ANTXR1: variants seen among roughly 807,000 people sequenced by gnomAD.
ANTXR1 encodes ANTXR cell adhesion molecule 1.
Under a neutral mutation model 78.1 loss-of-function variants are expected in ANTXR1, and 19 were observed. The observed-to-expected ratio is 0.24, with a 90% CI of 0.17 to 0.36. The LOEUF (loss-of-function observed/expected upper bound fraction) is 0.36, where lower values mean the gene tolerates loss of function less well. ANTXR1 is among the 10% of genes least tolerant of loss of function. ANTXR1 has a pLI of 1.00. For missense variants in ANTXR1, 518 were observed against 718.6 expected (o/e 0.72, Z 3.19); for synonymous variants, 273 against 260.5 (o/e 1.05, Z -0.46).
chr2:69,077,111 A>T, intron 7 of ANTXR1: 1 of 456,664 alleles, frequency 2.2e-6, no homozygotes, highest in South Asian at 2.5e-5. Context: ...ATTTATAAAC[A>T]TATCAACCCA....
chr2:69,126,162 A>C (rs1421283928), intron 12 of ANTXR1, among the ~76,000 whole-genome samples: 1 of 152,218 alleles, frequency 6.6e-6, no homozygotes, highest in East Asian at 1.9e-4. Flanking sequence ...GCCAGTCCTC[A>C]TGATGGACAA....
At chr2:69,221,845 G>A (rs1675328965) in intron 17 of ANTXR1, among the ~76,000 whole-genome samples, 1 of 152,178 alleles carries the variant, frequency 6.6e-6, no homozygotes, top group Non-Finnish European at 1.5e-5. Flanking sequence ...TTTCCATAGA[G>A]TTTTTAGTGC....
intron 12 of ANTXR1, among the ~76,000 whole-genome samples, chr2:69,139,434 C>T (rs1673008338): frequency 6.6e-6 from 1 of 152,266 alleles, no homozygotes; most frequent in African/African-American, 2.4e-5. Context: ...CAACCTCTTT[C>T]AGGGTTAGAA....
Position 69,070,881 on chromosome 2 carries a change from C to T in ANTXR1, c.378+153C>T, listed in dbSNP as rs4306745. 0.73 allele frequency among the ~76,000 whole-genome samples: 110,509 copies of T among 152,076 alleles called. 41,422 individuals carry two copies. Among genetic ancestry groups the T allele is most frequent in the African/African-American group, 0.92 (38,248 of 41,510 alleles). On this transcript the variant is annotated intron_variant, in intron 4 of 17. Transcript: ENST00000303714. ...TTCTTCCCATAAGCTTGTACACTGA[C>T]CACTCTAGCCAAAAGAACTAAAGAA...
chr2:69,075,753 A>T (rs1670711162), intron 7 of ANTXR1, 95 bp downstream of exon 7: 1 of 1,119,784 alleles, frequency 8.9e-7, no homozygotes, highest in African/African-American at 1.5e-5. Context: ...CAATGGAATA[A>T]ATGCCCCTGA....
intron 1 of ANTXR1, among the ~76,000 whole-genome samples, chr2:69,031,148 C>T (rs1356761515): frequency 6.6e-6 from 1 of 152,114 alleles, no homozygotes; most frequent in Admixed American, 6.5e-5. Context: ...CTTGCCCACC[C>T]CTGGACTAAG....
At chr2:69,224,083 C>A (rs1462792339) in intron 17 of ANTXR1, among the ~76,000 whole-genome samples, 1 of 152,200 alleles carries the variant, frequency 6.6e-6, no homozygotes, top group Non-Finnish European at 1.5e-5. Flanking sequence ...GCTAGTGTGC[C>A]AATAGCCTTT....
intron 17 of ANTXR1, among the ~76,000 whole-genome samples, chr2:69,225,842 TA>T (rs1675437689): frequency 6.6e-6 from 1 of 152,038 alleles, no homozygotes; most frequent in Non-Finnish European, 1.5e-5. Flanking sequence ...CAAAACCAAA[TA>T]ATATGACAAA....
intron 8 of ANTXR1, among the ~76,000 whole-genome samples, chr2:69,080,500 A>G (rs1462538699): frequency 1.3e-5 from 2 of 152,212 alleles, no homozygotes; most frequent in Non-Finnish European, 2.9e-5. Flanking sequence ...TCATATTTTT[A>G]AACCTTAAAT....
chr2:69,206,017 AT>A (rs1347769379), intron 17 of ANTXR1, among the ~76,000 whole-genome samples: 2 of 151,776 alleles, frequency 1.3e-5, no homozygotes, highest in South Asian at 4.2e-4. Context: ...GTGTTTTTCC[AT>A]TTTTTTTCTT....
At chr2:69,195,497 T>A (rs7591558) in intron 17 of ANTXR1, among the ~76,000 whole-genome samples, 1 of 152,076 alleles carries the variant, frequency 6.6e-6, no homozygotes, top group Admixed American at 6.5e-5. Flanking sequence ...GTGACTAGGA[T>A]GGCAGGCAAG....
intron 14 of ANTXR1, among the ~76,000 whole-genome samples, chr2:69,181,228 G>A (rs1674267819): frequency 6.6e-6 from 1 of 152,168 alleles, no homozygotes; most frequent in South Asian, 2.1e-4. Flanking sequence ...TGGTGGGGAT[G>A]GAGAAGTCAA....
intron 17 of ANTXR1, among the ~76,000 whole-genome samples, chr2:69,217,037 A>C (rs1675195389): frequency 6.6e-6 from 1 of 152,198 alleles, no homozygotes; most frequent in Non-Finnish European, 1.5e-5. Flanking sequence ...CAGATAAACT[A>C]CATCTGTCAG....
At chr2:69,070,751 T>G (rs755613556) in intron 4 of ANTXR1, 23 bp downstream of exon 4, 1 of 1,606,294 alleles carries the variant, frequency 6.2e-7, no homozygotes, top group Non-Finnish European at 8.5e-7. Context: ...CAGTTTGAAA[T>G]CCAAATATAA....
At chr2:69,151,886 C>G (rs1399964724) in intron 12 of ANTXR1, among the ~76,000 whole-genome samples, 1 of 152,216 alleles carries the variant, frequency 6.6e-6, no homozygotes, top group African/African-American at 2.4e-5. Flanking sequence ...AGTCCATGTT[C>G]ATGCCTGCTC....
intron 3 of ANTXR1, among the ~76,000 whole-genome samples, chr2:69,064,049 G>T (rs1042270205): frequency 3.3e-5 from 5 of 152,052 alleles, no homozygotes; most frequent in African/African-American, 1.2e-4. Context: ...AAGATAGCAA[G>T]ATGGTAGACT....
intron 12 of ANTXR1, among the ~76,000 whole-genome samples, chr2:69,144,519 T>C (rs1403885997): frequency 6.6e-6 from 1 of 152,172 alleles, no homozygotes; most frequent in African/African-American, 2.4e-5. Flanking sequence ...ATGGCGGGCC[T>C]CTGGGGAGCC....
intron 17 of ANTXR1, among the ~76,000 whole-genome samples, chr2:69,239,777 C>G (rs1463236843): frequency 6.6e-6 from 1 of 152,164 alleles, no homozygotes; most frequent in Non-Finnish European, 1.5e-5. Flanking sequence ...CACCAGTGTC[C>G]TGTCTCTAAA....
chr2:69,107,487 A>G (rs908531514), intron 10 of ANTXR1, among the ~76,000 whole-genome samples: 5 of 151,992 alleles, frequency 3.3e-5, no homozygotes, highest in Non-Finnish European at 5.9e-5. Flanking sequence ...CTATCTACCC[A>G]CCTCAGCCTC....
Sources: allele counts gnomAD v4.1 joint callset (sites outside exome capture counted in the v4.1 genomes callset), GRCh38; gene constraint gnomAD v4.1.1; transcripts MANE v1.5; gene names NCBI Gene and HGNC (gene_info 2026-07-23, HGNC 2026-07-21).